PTPRB: variants seen among roughly 807,000 people sequenced by gnomAD.
PTPRB encodes protein tyrosine phosphatase receptor type B, also known as receptor-type tyrosine-protein phosphatase beta.
A neutral mutation model predicts 238.1 loss-of-function variants in PTPRB; 97 were observed. The ratio of observed to expected loss-of-function variants is 0.41; its 90% confidence interval spans 0.35 to 0.48. The LOEUF is 0.48. PTPRB is among the 20% of genes least tolerant of loss of function. The pLI is 0.30. For missense variants in PTPRB, 2,292 were observed against 2,681.9 expected, an observed-to-expected ratio of 0.85 and a Z score of 3.21; for synonymous variants, 970 against 995.4, an observed-to-expected ratio of 0.97 and a Z score of 0.48.
intron 4 of PTPRB, among the ~76,000 whole-genome samples, chr12:70,607,577 T>C (rs1462057165): frequency 6.7e-6 from 1 of 148,412 alleles, no homozygotes; most frequent in East Asian, 2.0e-4. Context: ...AGACAGAGTC[T>C]CCTCTGTTGC....
At chr12:70,615,200 A>C (rs1417911105) in intron 3 of PTPRB, among the ~76,000 whole-genome samples, 1 of 152,196 alleles carries the variant, frequency 6.6e-6, no homozygotes, top group Non-Finnish European at 1.5e-5. Flanking sequence ...GACAAAGTTC[A>C]TGACTGAGAA....
rs114437369 is a variant in PTPRB at position 70,583,642 on chromosome 12, A to G, written c.2312-2340T>C. Among the ~76,000 whole-genome samples the G allele has an allele frequency of 1.8e-3, 267 of 152,248 alleles. 2 individuals carry two copies. Among genetic ancestry groups the G allele is most frequent in the African/African-American group, 6.3e-3 (260 of 41,564 alleles). ...AGCCTTCTTAATACTGGATGGAGAA[A>G]ACGATTTCCTCTGAGAACTCATAAC... On this transcript the variant is annotated intron_variant, in intron 9 of 33. Transcript: ENST00000334414.
chr12:70,582,026 C>T (rs1881448733), intron 9 of PTPRB, among the ~76,000 whole-genome samples: 1 of 151,902 alleles, frequency 6.6e-6, no homozygotes, highest in Admixed American at 6.6e-5. Context: ...AACAAATAGC[C>T]AACCTGGAAC....
chr12:70,525,368 T>TG lies in PTPRB; in HGVS notation c.6505-778dup, dbSNP rs1310346095. ...TGTTCCCTTTATTCTAGGAAGATAG[T>TG]GAAAAAAAGGAGGTGTGTACAATAA... On this transcript the variant is annotated intron_variant, in intron 32 of 33. Coordinates refer to ENST00000334414, the MANE Select transcript of PTPRB (RefSeq NM_001109754.4). 4 of 152,228 alleles carry TG rather than the reference T, an allele frequency of 2.6e-5. No homozygotes were observed. The East Asian group carries it at 5.8e-4, about 22-fold the overall frequency. The allele number at this position is 152,228 out of a possible 1,614,324, so 9.4% of individuals were successfully genotyped here.
intron 32 of PTPRB, among the ~76,000 whole-genome samples, chr12:70,529,959 A>G (rs1384052262): frequency 8.7e-5 from 11 of 125,742 alleles, no homozygotes; most frequent in Non-Finnish European, 2.1e-4. Context: ...AGTAGAGGAA[A>G]AATCCATGGG....
intron 28 of PTPRB, among the ~76,000 whole-genome samples, chr12:70,537,013 A>G (rs534165023): frequency 2.6e-5 from 4 of 152,270 alleles, no homozygotes; most frequent in South Asian, 4.1e-4. Context: ...GGCCGGGCGC[A>G]GTGGCTCACC....
intron 5 of PTPRB, 26 bp from the exon 6 acceptor site, chr12:70,594,750 A>G: frequency 6.2e-7 from 1 of 1,611,404 alleles, no homozygotes; most frequent in Admixed American, 1.7e-5. Flanking sequence ...GCATGTCCAA[A>G]TGTCATTAAT....
chr12:70,526,263 C>G (rs1165023449), intron 32 of PTPRB, among the ~76,000 whole-genome samples: 23 of 152,246 alleles, frequency 1.5e-4, no homozygotes, highest in Non-Finnish European at 2.2e-4. Context: ...AGTACAGTGA[C>G]ACAATCATAG....
rs889981992 is a variant in PTPRB, at chr12:70,539,199, C to CTAT, written c.5779-188_5779-186dup. 2.3e-5 allele frequency: 14 copies of CTAT among 607,040 alleles called. No homozygotes were observed. In the African/African-American group the frequency reaches 2.4e-4, roughly 10 times the overall value. The allele number at this position is 607,040 out of a possible 1,614,324, so 37.6% of individuals were successfully genotyped here. ...CCCCACAAGGGAGGTGGTGGTCTCA[C>CTAT]TATTTTACAGGTGAGGCTCAGTCAG... On this transcript the variant is annotated intron_variant, in intron 26 of 33. Coordinates refer to ENST00000334414, the MANE Select transcript of PTPRB (RefSeq NM_001109754.4).
rs1387435562 is a variant in PTPRB at position 70,562,978 on chromosome 12, T to C, written c.4034A>G (p.Gln1345Arg). The change falls in exon 16 of 34, where the codon CAG becomes CGG. Residue 1345 changes from glutamine (Q) to arginine (R), a missense_variant. By Grantham distance (43) the Gln-to-Arg change is conservative. Coordinates refer to ENST00000334414, the MANE Select transcript of PTPRB (RefSeq NM_001109754.4). ...IFLYNPDGNL[Q>R]ERAQVDPLVQ... ...TAGTGGGTCAACTTGAGCTCTCTCC[T>C]GGAGATTCCCATCTGGGTTGTACAA... The C allele has an allele frequency of 1.2e-6, 2 of 1,614,016 alleles. No homozygotes were observed. Among genetic ancestry groups the C allele is most frequent in the Non-Finnish European group, 1.7e-6 (2 of 1,179,894 alleles).
chr12:70,610,534 C>T (rs1884385009), intron 3 of PTPRB, among the ~76,000 whole-genome samples: 1 of 152,050 alleles, frequency 6.6e-6, no homozygotes, highest in African/African-American at 2.4e-5. Context: ...TGCACTCTTT[C>T]CTGAAGTCTT....
intron 4 of PTPRB, among the ~76,000 whole-genome samples, chr12:70,608,430 A>G (rs1165417041): frequency 6.6e-6 from 1 of 152,238 alleles, no homozygotes; most frequent in Non-Finnish European, 1.5e-5. Context: ...TGAGGCAAGA[A>G]AGGCAAACTC....
intron 2 of PTPRB, among the ~76,000 whole-genome samples, chr12:70,632,547 T>C (rs1159530063): frequency 6.6e-6 from 1 of 151,354 alleles, no homozygotes; most frequent in Non-Finnish European, 1.5e-5. Context: ...CTGCACATTG[T>C]GCACATGCAC....
intron 32 of PTPRB, among the ~76,000 whole-genome samples, chr12:70,528,757 G>C (rs1432256240): frequency 6.6e-6 from 1 of 152,216 alleles, no homozygotes; most frequent in Non-Finnish European, 1.5e-5. Context: ...CACAGAGTTT[G>C]AGTCCAGTCT....
chr12:70,541,001 T>C (rs748450761), intron 22 of PTPRB, 44 bp from the exon 23 acceptor site: 2 of 1,470,046 alleles, frequency 1.4e-6, no homozygotes, highest in Non-Finnish European at 1.9e-6. Flanking sequence ...GTGGGAAAAT[T>C]AGTGCTAGGG....
At chr12:70,530,811 C>G (rs1252134034) in intron 32 of PTPRB, among the ~76,000 whole-genome samples, 1 of 152,166 alleles carries the variant, frequency 6.6e-6, no homozygotes, top group Non-Finnish European at 1.5e-5. Flanking sequence ...CTCCTGGCCT[C>G]AAGTGATCTG....
At chr12:70,590,379 A>G (rs1338962085) in intron 7 of PTPRB, 146 bp from the exon 8 acceptor site, 2 of 778,176 alleles carry the variant, frequency 2.6e-6, no homozygotes, top group Admixed American at 3.2e-5. Flanking sequence ...GTGGATTGCA[A>G]ATGAGTGTTC....
At chr12:70,606,581 A>G (rs1883962142) in intron 4 of PTPRB, among the ~76,000 whole-genome samples, 1 of 152,242 alleles carries the variant, frequency 6.6e-6, no homozygotes, top group African/African-American at 2.4e-5. Flanking sequence ...TAAAGAAAGC[A>G]CAGATATTTT....
Position 70,536,176 on chromosome 12 carries a change from A to G in PTPRB, c.5947-17T>C. 6 of 1,609,356 alleles carry G rather than the reference A, an allele frequency of 3.7e-6. No individual in the cohort carries two copies. Among genetic ancestry groups the G allele is most frequent in the South Asian group, 2.2e-5 (2 of 90,156 alleles). ...GTTGTTGCCCTGCAATGAATTTACA[A>G]TATGGAGAGTCAGAAACAATGGGCC... On this transcript the variant is annotated splice_polypyrimidine_tract_variant and intron_variant, in intron 28 of 33. Coordinates refer to ENST00000334414, the MANE Select transcript of PTPRB (RefSeq NM_001109754.4).
Sources: allele counts gnomAD v4.1 joint callset (sites outside exome capture counted in the v4.1 genomes callset), GRCh38; gene constraint gnomAD v4.1.1; transcripts MANE v1.5; gene names NCBI Gene and HGNC (gene_info 2026-07-23, HGNC 2026-07-21).